PPTC7: variants seen among roughly 807,000 people sequenced by gnomAD.
PPTC7 encodes the protein protein phosphatase PTC7 homolog.
A neutral mutation model predicts 30.8 loss-of-function variants in PPTC7; 6 were observed. That is an observed-to-expected ratio of 0.19 (90% CI 0.11 to 0.38). The LOEUF (loss-of-function observed/expected upper bound fraction) is 0.38, where lower values mean the gene tolerates loss of function less well. Ranked by LOEUF, PPTC7 falls within the 10% of genes least tolerant of loss-of-function variation. The pLI is 1.00. For missense variants in PPTC7, 218 were observed against 404.8 expected (o/e 0.54, Z 3.96); for synonymous variants, 163 against 168.1 (o/e 0.97, Z 0.23).
At chr12:110,575,904 T>A (rs1398391336) in intron 1 of PPTC7, among the ~76,000 whole-genome samples, 1 of 152,124 alleles carries the variant, frequency 6.6e-6, no homozygotes, top group Non-Finnish European at 1.5e-5. Context: ...AAAGGTACCT[T>A]AATAAGTAAC....
At chr12:110,556,384 G>C (rs956390687) in intron 1 of PPTC7, among the ~76,000 whole-genome samples, 1 of 152,190 alleles carries the variant, frequency 6.6e-6, no homozygotes, top group African/African-American at 2.4e-5. Context: ...TTTGGGATGA[G>C]AATCAGACTA....
At chr12:110,565,785 G>T (rs1448255493) in intron 1 of PPTC7, among the ~76,000 whole-genome samples, 3 of 152,186 alleles carry the variant, frequency 2.0e-5, no homozygotes, top group African/African-American at 7.2e-5. Context: ...ATGAAGTGAT[G>T]ATTTTGGTTG....
At chr12:110,566,252 A>C (rs1054935363) in intron 1 of PPTC7, among the ~76,000 whole-genome samples, 1 of 152,240 alleles carries the variant, frequency 6.6e-6, no homozygotes, top group African/African-American at 2.4e-5. Flanking sequence ...ACAGTTAAGC[A>C]AAACCCCTTA....
At chr12:110,577,668 C>T (rs1214244142) in intron 1 of PPTC7, among the ~76,000 whole-genome samples, 1 of 152,116 alleles carries the variant, frequency 6.6e-6, no homozygotes, top group Non-Finnish European at 1.5e-5. Flanking sequence ...AAAATCAGAT[C>T]CAAAGGCTGG....
chr12:110,571,957 T>C (rs1005723000), intron 1 of PPTC7, among the ~76,000 whole-genome samples: 6 of 152,368 alleles, frequency 3.9e-5, no homozygotes, highest in Non-Finnish European at 8.8e-5. Context: ...AACAGTTTTC[T>C]AGCTCTTATG....
rs1490657944 is a variant in PPTC7, at chr12:110,551,832, G to C, written c.360C>G (p.Thr120=). The change falls in exon 2 of 6, where the codon ACC becomes ACG. Residue 120 remains threonine, a synonymous_variant. Coordinates refer to ENST00000354300, the MANE Select transcript of PPTC7 (RefSeq NM_139283.2). ...TTTGCAGCAACTCACAGTAGCTTGT[G>C]GTGAGAATTCCAATGGGATTACTAG... ...FVPSNPIGIL[T]TSYCELLQNK... is the part of the protein sequence containing the mutation. The C allele has an allele frequency of 6.2e-7, 1 of 1,614,134 alleles. No homozygotes were observed.
chr12:110,554,286 A>C (rs1427397662), intron 1 of PPTC7, among the ~76,000 whole-genome samples: 5 of 151,984 alleles, frequency 3.3e-5, no homozygotes, highest in African/African-American at 7.2e-5. Flanking sequence ...TGATCCTCCT[A>C]CCTCAGCCTC....
At chr12:110,545,746 G>A (rs1565918062) in intron 3 of PPTC7, 134 bp downstream of exon 3, 2 of 745,898 alleles carry the variant, frequency 2.7e-6, no homozygotes, top group Non-Finnish European at 4.5e-6. Flanking sequence ...TAAACTAAAA[G>A]GTCCTCTTGA....
At chr12:110,569,450 T>C (rs1043044350) in intron 1 of PPTC7, among the ~76,000 whole-genome samples, 1 of 152,202 alleles carries the variant, frequency 6.6e-6, no homozygotes. Context: ...TCTTTGCCAC[T>C]AACTGGACCT....
intron 1 of PPTC7, among the ~76,000 whole-genome samples, chr12:110,570,602 T>C (rs2135790555): frequency 1.5e-5 from 1 of 65,968 alleles, no homozygotes; most frequent in African/African-American, 6.4e-5. Flanking sequence ...TCTACTGAGA[T>C]AGGGAAAAAC....
chr12:110,556,321 A>T (rs1167240247), intron 1 of PPTC7, among the ~76,000 whole-genome samples: 1 of 152,244 alleles, frequency 6.6e-6, no homozygotes, highest in Non-Finnish European at 1.5e-5. Context: ...CAGGGAAAAA[A>T]GCCTTAATAC....
intron 2 of PPTC7, among the ~76,000 whole-genome samples, chr12:110,548,516 A>G (rs1042990540): frequency 3.3e-5 from 5 of 152,200 alleles, no homozygotes; most frequent in African/African-American, 1.2e-4. Flanking sequence ...AGCTTACAGT[A>G]GGACAAAGAT....
Position 110,578,967 on chromosome 12 carries a change from G to A in PPTC7, c.223+3842C>T, listed in dbSNP as rs559888964. Among the ~76,000 whole-genome samples, 261 of 152,192 alleles carry A rather than the reference G, an allele frequency of 1.7e-3. 1 individual carries two copies. The highest frequency in any genetic ancestry group is 6.0e-3 in the African/African-American group (249 of 41,528). On this transcript the variant is annotated intron_variant, in intron 1 of 5. Coordinates refer to ENST00000354300, the MANE Select transcript of PPTC7 (RefSeq NM_139283.2). ...TCGACACCAGCCTAGGCAACGTGGC[G>A]AAACCTCATCTCTACTAAAAAAATA...
At chr12:110,542,916 G>A (rs1320715523) in intron 3 of PPTC7, among the ~76,000 whole-genome samples, 1 of 152,120 alleles carries the variant, frequency 6.6e-6, no homozygotes, top group Non-Finnish European at 1.5e-5. Flanking sequence ...CCTATATTCA[G>A]AGATCATGGC....
intron 1 of PPTC7, among the ~76,000 whole-genome samples, chr12:110,563,631 T>C (rs1165077702): frequency 1.4e-5 from 2 of 147,028 alleles, no homozygotes; most frequent in Non-Finnish European, 3.0e-5. Context: ...AAAAAAAAAG[T>C]GTGAAAATGG....
chr12:110,582,809 C>T lies in PPTC7; in HGVS notation c.223G>A (p.Gly75Arg). 1 of 1,555,408 alleles carries T rather than the reference C, an allele frequency of 6.4e-7. No individual in the cohort carries two copies. The highest frequency in any genetic ancestry group is 8.7e-7 in the Non-Finnish European group (1 of 1,150,554). ...CAAGGGAACCGGGTCGGGGACTCACCGAGCACGTCCGCGGAACGGTGCCGG... is the reference window on the plus strand; with the variant it reads ...CAAGGGAACCGGGTCGGGGACTCACTGAGCACGTCCGCGGAACGGTGCCGG... ...VARHRSADVL[G>R]VADGVGGWRD... Residue 75 changes from glycine to arginine, a missense_variant and splice_region_variant, in exon 1 of 6, where the codon GGG becomes AGG. Gly to Arg is a moderately radical substitution (Grantham distance 125, BLOSUM62 -2). Coordinates refer to ENST00000354300, the MANE Select transcript of PPTC7 (RefSeq NM_139283.2).
At chr12:110,553,145 T>C (rs1056262384) in intron 1 of PPTC7, among the ~76,000 whole-genome samples, 3 of 144,776 alleles carry the variant, frequency 2.1e-5, no homozygotes, top group African/African-American at 7.5e-5. Flanking sequence ...ATCGCGCCAT[T>C]GCATCCCACC....
chr12:110,569,684 T>C (rs927135347), intron 1 of PPTC7, among the ~76,000 whole-genome samples: 1 of 152,174 alleles, frequency 6.6e-6, no homozygotes, highest in African/African-American at 2.4e-5. Flanking sequence ...ACAAAACAAA[T>C]AGGGCTATAC....
chr12:110,556,095 C>G (rs951791049), intron 1 of PPTC7, among the ~76,000 whole-genome samples: 1 of 152,190 alleles, frequency 6.6e-6, no homozygotes. Context: ...AGTTGATCCT[C>G]GATCCTCGCA....
Sources: allele counts gnomAD v4.1 joint callset (sites outside exome capture counted in the v4.1 genomes callset), GRCh38; gene constraint gnomAD v4.1.1; transcripts MANE v1.5; gene names NCBI Gene and HGNC (gene_info 2026-07-23, HGNC 2026-07-21).